The following LRRFIP2 variants were observed in gnomAD, a reference collection of about 807,000 sequenced individuals.
LRRFIP2 encodes leucine-rich repeat flightless-interacting protein 2.
LRRFIP2 carries 109 observed loss-of-function variants against 125.9 expected under a neutral mutation model. The observed-to-expected ratio is 0.87, with a 90% CI of 0.74 to 1.01. The LOEUF (loss-of-function observed/expected upper bound fraction) is 1.01. LRRFIP2 is among the 50% of genes least tolerant of loss of function. The pLI is 0.00. For missense variants in LRRFIP2, 850 were observed against 862.3 expected (o/e 0.99, Z 0.18); for synonymous variants, 291 against 293.1 (o/e 0.99, Z 0.07).
At chr3:37,143,279 C>T (rs532309492) in intron 2 of LRRFIP2, among the ~76,000 whole-genome samples, 27 of 152,308 alleles carry the variant, frequency 1.8e-4, no homozygotes, top group African/African-American at 5.8e-4. Context: ...AACCTAAATA[C>T]GTTTTCTTGC....
intron 7 of LRRFIP2, among the ~76,000 whole-genome samples, chr3:37,113,500 CTATG>C (rs1366030754): frequency 1.3e-5 from 2 of 152,106 alleles, no homozygotes; most frequent in African/African-American, 4.8e-5. Context: ...CAATGTCTTG[CTATG>C]TTGTCCAGGA....
intron 2 of LRRFIP2, among the ~76,000 whole-genome samples, chr3:37,138,313 T>C (rs918025322): frequency 1.3e-5 from 2 of 152,170 alleles, no homozygotes; most frequent in African/African-American, 4.8e-5. Context: ...AATCAGAGAC[T>C]CATGTGAGGC....
In LRRFIP2 at chr3:37,065,948, G is replaced by T. The variant is rs1436373022; in HGVS notation, c.1567-6C>A. ...ATTATAACTAAGCCATGTTTCTGCAGGGGGGAAAAACCCACCATCACAAAA... is the reference window on the plus strand; with the variant it reads ...ATTATAACTAAGCCATGTTTCTGCATGGGGGAAAAACCCACCATCACAAAA... On this transcript the variant is annotated splice_region_variant and splice_polypyrimidine_tract_variant and intron_variant, in intron 22 of 27. Transcript: ENST00000336686. 1 of 1,613,962 alleles carries T rather than the reference G, an allele frequency of 6.2e-7. No individual in the cohort carries two copies. The highest frequency in any genetic ancestry group is 1.7e-5 in the Admixed American group (1 of 59,996).
At chr3:37,066,881 T>C (rs1048835069) in intron 21 of LRRFIP2, 17 of 152,794 alleles carry the variant, frequency 1.1e-4, no homozygotes, top group African/African-American at 4.1e-4. Context: ...TAATTCAAAA[T>C]AGTTAACCTC....
intron 17 of LRRFIP2, among the ~76,000 whole-genome samples, chr3:37,094,494 G>C (rs1401096804): frequency 1.3e-5 from 2 of 152,126 alleles, no homozygotes; most frequent in Admixed American, 1.3e-4. Context: ...AACATGGCCA[G>C]TTGTTTCTGA....
At chr3:37,055,291 G>A (rs933323549) in intron 25 of LRRFIP2, 126 bp from the exon 26 acceptor site, 14 of 561,876 alleles carry the variant, frequency 2.5e-5, no homozygotes, top group Non-Finnish European at 4.0e-5. Flanking sequence ...AGGGCTGGGC[G>A]CGGTGACTCA....
chr3:37,065,404 C>G (rs982814168), intron 23 of LRRFIP2: 1 of 354,582 alleles, frequency 2.8e-6, no homozygotes, highest in Non-Finnish European at 5.6e-6. Flanking sequence ...GGTACAGAAC[C>G]CTGGGGTAAG....
At chr3:37,147,881 T>C (rs1432166583) in intron 2 of LRRFIP2, among the ~76,000 whole-genome samples, 1 of 152,206 alleles carries the variant, frequency 6.6e-6, no homozygotes, top group Admixed American at 6.5e-5. Flanking sequence ...TTGCCAGCGA[T>C]TCAATAGGTG....
intron 4 of LRRFIP2, among the ~76,000 whole-genome samples, chr3:37,126,629 C>T (rs1490452694): frequency 3.3e-5 from 5 of 151,686 alleles, no homozygotes; most frequent in African/African-American, 4.8e-5. Context: ...GAGGCCGAGG[C>T]GGGCGGATCA....
chr3:37,121,162 A>T (rs188305294), intron 6 of LRRFIP2, among the ~76,000 whole-genome samples: 184 of 152,346 alleles, frequency 1.2e-3, no homozygotes, highest in South Asian at 5.0e-3. Flanking sequence ...GAAAGTAGGG[A>T]AAGTCTGAAA....
intron 27 of LRRFIP2, 51 bp downstream of exon 27, chr3:37,054,360 A>G (rs749199170): frequency 1.6e-5 from 22 of 1,417,396 alleles, no homozygotes; most frequent in East Asian, 2.3e-5. Context: ...TTTCCAGAAG[A>G]TTTTTTCTTT....
chr3:37,134,149 T>C (rs2095498376), intron 2 of LRRFIP2, among the ~76,000 whole-genome samples: 1 of 148,186 alleles, frequency 6.7e-6, no homozygotes, highest in African/African-American at 2.5e-5. Context: ...ACCACTGCAC[T>C]CTAGCCTGGG....
chr3:37,123,188 G>A (rs1460736151), intron 4 of LRRFIP2, among the ~76,000 whole-genome samples: 4 of 152,080 alleles, frequency 2.6e-5, no homozygotes, highest in Non-Finnish European at 5.9e-5. Context: ...TGTTGTTGTT[G>A]TTGTTGTTGT....
At chr3:37,074,111 C>A (rs549706383) in intron 20 of LRRFIP2, among the ~76,000 whole-genome samples, 10 of 152,250 alleles carry the variant, frequency 6.6e-5, no homozygotes, top group African/African-American at 2.2e-4. Flanking sequence ...AAAGTCATTT[C>A]TTTTTCTCTA....
intron 6 of LRRFIP2, among the ~76,000 whole-genome samples, chr3:37,118,679 A>AT (rs1404273984): frequency 6.6e-6 from 1 of 152,228 alleles, no homozygotes. Context: ...TAGTATATGA[A>AT]AGTTAATTGG....
At position 37,094,836 on chromosome 3, in the gene LRRFIP2, T is replaced by C. The variant is rs2093642745; in HGVS notation, c.991A>G (p.Thr331Ala). ...GTGTCTGGATCTATTAAGCTGCTGG[T>C]GTCCCCACTTCCTCGTCTGGATGAG... is the stretch of plus-strand genomic sequence containing the variant. ...GNSSRRGSGD[T>A]SSLIDPDTSL... The change falls in exon 17 of 28, where the codon ACC (threonine) becomes GCC (alanine). Residue 331 changes from threonine (T) to alanine (A), a missense_variant. Transcript: ENST00000336686. The C allele has an allele frequency of 6.2e-7, 1 of 1,613,870 alleles. No homozygotes were observed. Among genetic ancestry groups the C allele is most frequent in the African/African-American group, 1.3e-5 (1 of 74,930 alleles).
At chr3:37,100,404 G>A (rs901490303) in intron 15 of LRRFIP2, among the ~76,000 whole-genome samples, 6 of 150,818 alleles carry the variant, frequency 4.0e-5, no homozygotes, top group African/African-American at 1.2e-4. Context: ...ACATGTGTAT[G>A]TATATATACA....
chr3:37,140,772 C>T (rs2095676197), intron 2 of LRRFIP2, among the ~76,000 whole-genome samples: 1 of 152,078 alleles, frequency 6.6e-6, no homozygotes, highest in Admixed American at 6.6e-5. Context: ...TCAACTACCC[C>T]ATTACCCAAA....
chr3:37,059,694 G>A, intron 24 of LRRFIP2, among the ~76,000 whole-genome samples: 1 of 152,024 alleles, frequency 6.6e-6, no homozygotes, highest in Non-Finnish European at 1.5e-5. Flanking sequence ...GGCTGAGGCA[G>A]GAGAATCATT....
Sources: gnomAD v4.1 joint callset for allele counts (sites outside exome capture counted in the v4.1 genomes callset) on GRCh38, gnomAD v4.1.1 for gene constraint, MANE v1.5 for transcripts, NCBI Gene and HGNC (gene_info 2026-07-23, HGNC 2026-07-21) for gene names.